SLC12A2: variants seen among roughly 807,000 people sequenced by gnomAD.
SLC12A2 encodes Na-K-2Cl cotransporter 1.
In SLC12A2, 67 loss-of-function variants were observed where a neutral mutation model predicts 136.3. That is an observed-to-expected ratio of 0.49 (90% CI 0.40 to 0.60). The LOEUF (loss-of-function observed/expected upper bound fraction) is 0.60, where lower values mean the gene tolerates loss of function less well. Ranked by LOEUF, SLC12A2 falls within the 20% of genes least tolerant of loss-of-function variation. The probability of loss-of-function intolerance (pLI) is 0.00; values close to 1 mark genes in which losing one functional copy is unlikely to be tolerated. For synonymous variants in SLC12A2, 619 were observed against 562.9 expected (o/e 1.10, Z -1.41); for missense variants, 1,322 against 1,534.7 (o/e 0.86, Z 2.32).
chr5:128,151,943 T>C (rs1207247322), intron 14 of SLC12A2, among the ~76,000 whole-genome samples: 3 of 152,154 alleles, frequency 2.0e-5, no homozygotes, highest in Non-Finnish European at 4.4e-5. Context: ...GTATGTCGTA[T>C]TGATAACAGC....
chr5:128,114,431 T>C (rs538041609), intron 3 of SLC12A2, 144 bp downstream of exon 3: 75 of 815,754 alleles, frequency 9.2e-5, no homozygotes, highest in Non-Finnish European at 1.4e-4. Context: ...GTTCCTTTTT[T>C]CATAATTCTG....
chr5:128,113,959 A>G (rs1268146924), intron 2 of SLC12A2, among the ~76,000 whole-genome samples: 1 of 152,200 alleles, frequency 6.6e-6, no homozygotes, highest in Non-Finnish European at 1.5e-5. Context: ...GCTGCTTCAC[A>G]CAATTGTGAT....
chr5:128,104,328 A>G (rs1760850846), intron 1 of SLC12A2, among the ~76,000 whole-genome samples: 1 of 152,114 alleles, frequency 6.6e-6, no homozygotes, highest in Non-Finnish European at 1.5e-5. Flanking sequence ...CTAGTACACA[A>G]TTTCATACTT....
At chr5:128,117,533 A>G (rs1400311668) in intron 4 of SLC12A2, among the ~76,000 whole-genome samples, 3 of 152,200 alleles carry the variant, frequency 2.0e-5, no homozygotes, top group Non-Finnish European at 4.4e-5. Flanking sequence ...ATTGCTCTAC[A>G]TAATGAGTAA....
chr5:128,141,914 A>G lies in SLC12A2; in HGVS notation c.1706A>G (p.Lys569Arg). The change falls in exon 10 of 27, where the codon AAA becomes AGA. Residue 569 changes from lysine (K) to arginine (R), a missense_variant. Coordinates refer to ENST00000262461, the MANE Select transcript of SLC12A2 (RefSeq NM_001046.3). The part of the protein sequence containing the change: ...ELTNCTSAAC[K>R]LNFDFSSCES... ...ACAAACTGTACTTCTGCAGCCTGCA[A>G]ATTAAACTTTGATTTTTCATCTTGT... The G allele has an allele frequency of 1.9e-6, 3 of 1,614,002 alleles. No homozygotes were observed. Among genetic ancestry groups the G allele is most frequent in the Middle Eastern group, 3.3e-4 (2 of 6,062 alleles).
At chr5:128,183,012 A>C (rs1159454814) in intron 24 of SLC12A2, 71 bp downstream of exon 24, 12 of 936,618 alleles carry the variant, frequency 1.3e-5, no homozygotes, top group Non-Finnish European at 1.9e-5. Flanking sequence ...CTTAATTAAA[A>C]CCCAGAGATT....
chr5:128,183,410 A>G (rs1763770655), intron 24 of SLC12A2, among the ~76,000 whole-genome samples: 2 of 152,020 alleles, frequency 1.3e-5, no homozygotes, highest in Non-Finnish European at 2.9e-5. Flanking sequence ...TATAATTTTA[A>G]TTCTTAGATT....
At chr5:128,115,252 G>A (rs1761302209) in intron 4 of SLC12A2, among the ~76,000 whole-genome samples, 1 of 152,182 alleles carries the variant, frequency 6.6e-6, no homozygotes, top group African/African-American at 2.4e-5. Context: ...AGCCTCCTGA[G>A]TAGCTAGGAT....
chr5:128,158,711 A>G (rs1003680901), intron 16 of SLC12A2, among the ~76,000 whole-genome samples: 3 of 152,184 alleles, frequency 2.0e-5, no homozygotes, highest in East Asian at 1.9e-4. Context: ...TCCTTTGGAT[A>G]TATACCCAAT....
intron 1 of SLC12A2, among the ~76,000 whole-genome samples, chr5:128,087,645 A>G (rs764439015): frequency 3.9e-5 from 6 of 152,198 alleles, no homozygotes; most frequent in Non-Finnish European, 5.9e-5. Context: ...GTGGGACGCT[A>G]TTGAAGAATT....
rs190034191 is a variant in SLC12A2, at chr5:128,138,534, A to G, written c.1409-63A>G. ...GGGTCATGTATACCTATTATTCTTG[A>G]CCTCAGTTATTATAGTCTAATTTGC... On this transcript the variant is annotated intron_variant, in intron 7 of 26. Coordinates refer to ENST00000262461, the MANE Select transcript of SLC12A2 (RefSeq NM_001046.3). 8.5e-5 allele frequency: 124 copies of G among 1,456,128 alleles called. No individual in the cohort carries two copies. The African/African-American group carries it at 1.6e-3, about 18-fold the overall frequency. 90.2% of individuals were successfully genotyped at this position (1,456,128 alleles called of 1,614,324 possible).
chr5:128,104,333 A>G (rs1041688008), intron 1 of SLC12A2, among the ~76,000 whole-genome samples: 6 of 152,156 alleles, frequency 3.9e-5, no homozygotes, highest in South Asian at 2.1e-4. Flanking sequence ...ACACAATTTC[A>G]TACTTAAAAC....
chr5:128,101,810 T>C (rs1047835780), intron 1 of SLC12A2, among the ~76,000 whole-genome samples: 2 of 152,234 alleles, frequency 1.3e-5, no homozygotes. Flanking sequence ...TTTCTAGTAC[T>C]GTGAACATTG....
chr5:128,127,071 A>G (rs2126691007), intron 4 of SLC12A2, among the ~76,000 whole-genome samples: 1 of 135,984 alleles, frequency 7.4e-6, no homozygotes, highest in East Asian at 2.2e-4. Flanking sequence ...ACTTGCTAAT[A>G]GTTTAACAAT....
rs555906663 is a variant in SLC12A2 at position 128,179,287 on chromosome 5, A to G, written c.3100+598A>G. 3.9e-5 allele frequency among the ~76,000 whole-genome samples: 6 copies of G among 152,162 alleles called. 1 individual carries two copies. The South Asian group carries it at 1.2e-3, about 32-fold the overall frequency. On this transcript the variant is annotated intron_variant, in intron 22 of 26. Coordinates refer to ENST00000262461, the MANE Select transcript of SLC12A2 (RefSeq NM_001046.3). ...GATGTTTCTGCCTGAATGTATTGTT[A>G]TTGTTGTGGTTGCCAAATGATGATT...
intron 1 of SLC12A2, among the ~76,000 whole-genome samples, chr5:128,095,665 A>G (rs1239896712): frequency 6.6e-6 from 1 of 152,114 alleles, no homozygotes; most frequent in East Asian, 1.9e-4. Flanking sequence ...TTCTTAAAAC[A>G]TTATGAAATT....
intron 10 of SLC12A2, among the ~76,000 whole-genome samples, chr5:128,146,606 T>G (rs191989854): frequency 2.0e-5 from 3 of 151,382 alleles, no homozygotes; most frequent in Non-Finnish European, 4.4e-5. Context: ...CAATATAATA[T>G]ACCTAGTATC....
At position 128,141,862 on chromosome 5, in the gene SLC12A2, G is replaced by A. The variant is rs770560514; in HGVS notation, c.1654G>A (p.Val552Ile). 8.1e-6 allele frequency: 13 copies of A among 1,613,560 alleles called. No homozygotes were observed. The highest frequency in any genetic ancestry group is 2.2e-5 in the South Asian group (2 of 91,060). The change falls in exon 10 of 27, where the codon GTT becomes ATT. Residue 552 changes from valine (V) to isoleucine (I), a missense_variant. By Grantham distance (29) the Val-to-Ile change is conservative (BLOSUM62 3). Around this residue, in one of 8 missense-constraint regions of SLC12A2, gnomAD observed 294 missense variants for 436.6 expected, o/e 0.67. Coordinates refer to ENST00000262461, the MANE Select transcript of SLC12A2 (RefSeq NM_001046.3). ...SCVVRDATGNVNDTIVTELTN... is the reference protein window; with the variant it reads ...SCVVRDATGNINDTIVTELTN... ...TGTTGTTCGAGATGCCACTGGAAAC[G>A]TTAATGACACTATCGTAACAGAGCT...
chr5:128,124,971 C>G (rs1209641809), intron 4 of SLC12A2, among the ~76,000 whole-genome samples: 1 of 152,188 alleles, frequency 6.6e-6, no homozygotes, highest in Non-Finnish European at 1.5e-5. Context: ...CTCACCTGAT[C>G]AGTAAATTCC....
Sources: gnomAD v4.1 joint callset for allele counts (sites outside exome capture counted in the v4.1 genomes callset) on GRCh38, gnomAD v4.1.1 for gene constraint, gnomAD v4.1.1 regional missense constraint, MANE v1.5 for transcripts, NCBI Gene and HGNC (gene_info 2026-07-23, HGNC 2026-07-21) for gene names.